PPARGC1A: variants seen among roughly 807,000 people sequenced by gnomAD.
The protein encoded by PPARGC1A is peroxisome proliferator-activated receptor gamma coactivator 1-alpha.
A neutral mutation model predicts 88.7 loss-of-function variants in PPARGC1A; 25 were observed. That is an observed-to-expected ratio of 0.28 (90% CI 0.21 to 0.39). PPARGC1A has a LOEUF of 0.39. PPARGC1A is among the 10% of genes least tolerant of loss of function. The probability of loss-of-function intolerance (pLI) is 1.00; values close to 1 mark genes in which losing one functional copy is unlikely to be tolerated. For missense variants in PPARGC1A, 880 were observed against 968.7 expected (o/e 0.91, Z 1.22); for synonymous variants, 363 against 355.6 (o/e 1.02, Z -0.24).
At chr4:23,899,032 G>T (rs1386288330) in intron 1 of PPARGC1A, among the ~76,000 whole-genome samples, 1 of 151,928 alleles carries the variant, frequency 6.6e-6, no homozygotes, top group Non-Finnish European at 1.5e-5. Flanking sequence ...AGTAGAGACG[G>T]GGTTTCACCA....
the PPARGC1A span, among the ~76,000 whole-genome samples, chr4:24,086,511 T>A: frequency 1.8e-4 from 28 of 152,318 alleles, no homozygotes; most frequent in African/African-American, 6.0e-4. Flanking sequence ...CAGTATTGCC[T>A]CCTCCATGCA....
At chr4:24,219,184 C>A in the PPARGC1A span, among the ~76,000 whole-genome samples, 2 of 152,206 alleles carry the variant, frequency 1.3e-5, no homozygotes, top group African/African-American at 2.4e-5. Context: ...GTTTTATGGT[C>A]CCACAACCCT....
the PPARGC1A span, among the ~76,000 whole-genome samples, chr4:24,362,399 T>C: frequency 1.8e-4 from 27 of 150,578 alleles, no homozygotes; most frequent in Admixed American, 3.3e-4. Flanking sequence ...GATGGATTTA[T>C]TGAGAGATCA....
chr4:24,449,785 T>C, the PPARGC1A span, among the ~76,000 whole-genome samples: 1 of 152,264 alleles, frequency 6.6e-6, no homozygotes. Flanking sequence ...CTAAGTAATC[T>C]GCATCTATTA....
At chr4:24,415,121 T>C in the PPARGC1A span, among the ~76,000 whole-genome samples, 2 of 151,110 alleles carry the variant, frequency 1.3e-5, no homozygotes, top group Non-Finnish European at 2.9e-5. Flanking sequence ...ACTCCAGAGG[T>C]AGAGGTTGCA....
At chr4:23,800,292 TC>T (rs1380702691) in intron 12 of PPARGC1A, among the ~76,000 whole-genome samples, 1 of 152,134 alleles carries the variant, frequency 6.6e-6, no homozygotes, top group Non-Finnish European at 1.5e-5. Context: ...AAGACACTTA[TC>T]ACTTTCCTTC....
the PPARGC1A span, among the ~76,000 whole-genome samples, chr4:24,392,858 G>T: frequency 2.6e-5 from 4 of 152,068 alleles, no homozygotes; most frequent in African/African-American, 9.7e-5. Flanking sequence ...AGGACTGCTC[G>T]AGTATAAAAA....
the PPARGC1A span, among the ~76,000 whole-genome samples, chr4:23,990,238 C>T: frequency 6.7e-6 from 1 of 149,446 alleles, no homozygotes; most frequent in Non-Finnish European, 1.5e-5. Flanking sequence ...ATAATAATAA[C>T]AATAATAAAT....
chr4:24,436,883 C>T, the PPARGC1A span, among the ~76,000 whole-genome samples: 1 of 151,960 alleles, frequency 6.6e-6, no homozygotes, highest in Non-Finnish European at 1.5e-5. Context: ...TATCTATTGG[C>T]CACCCCAGAG....
chr4:23,841,183 C>T (rs536916852), intron 2 of PPARGC1A, among the ~76,000 whole-genome samples: 23 of 152,164 alleles, frequency 1.5e-4, no homozygotes, highest in African/African-American at 4.8e-4. Flanking sequence ...AAGATGCTTT[C>T]GTGAAGAGAT....
the PPARGC1A span, among the ~76,000 whole-genome samples, chr4:24,393,613 G>C: frequency 6.6e-6 from 1 of 152,134 alleles, no homozygotes; most frequent in East Asian, 1.9e-4. Flanking sequence ...TAGGGAAAAG[G>C]GCACTTAGGA....
At chr4:24,302,462 G>A in the PPARGC1A span, among the ~76,000 whole-genome samples, 2 of 152,178 alleles carry the variant, frequency 1.3e-5, no homozygotes, top group Non-Finnish European at 2.9e-5. Context: ...AGGCCACTGT[G>A]ACTACTTGTC....
the PPARGC1A span, among the ~76,000 whole-genome samples, chr4:24,466,886 C>CAAA: frequency 2.7e-3 from 186 of 68,288 alleles, 5 homozygotes; most frequent in African/African-American, 0.01. Flanking sequence ...TGCACACCAG[C>CAAA]AAAAAAAAAA....
chr4:23,934,057 C>T, the PPARGC1A span, among the ~76,000 whole-genome samples: 1 of 152,222 alleles, frequency 6.6e-6, no homozygotes, highest in East Asian at 2.0e-4. Context: ...TAGAATCCCT[C>T]TGTTAGAATG....
the PPARGC1A span, among the ~76,000 whole-genome samples, chr4:24,163,337 C>T: frequency 2.6e-4 from 39 of 151,876 alleles, no homozygotes; most frequent in Non-Finnish European, 4.7e-4. Context: ...ACATAAATTT[C>T]GTACCACTGC....
the PPARGC1A span, among the ~76,000 whole-genome samples, chr4:24,053,281 T>G: frequency 0.022 from 3,315 of 152,044 alleles, 115 homozygotes; most frequent in African/African-American, 0.074. Flanking sequence ...AAACTCTCAT[T>G]CAGAATTCAA....
At chr4:23,856,199 A>G (rs1730162469) in intron 2 of PPARGC1A, among the ~76,000 whole-genome samples, 1 of 152,206 alleles carries the variant, frequency 6.6e-6, no homozygotes, top group Admixed American at 6.5e-5. Context: ...TGCCAACACA[A>G]CCATAAAGAA....
intron 10 of PPARGC1A, among the ~76,000 whole-genome samples, chr4:23,810,010 G>A (rs149964981): frequency 6.6e-6 from 1 of 152,272 alleles, no homozygotes; most frequent in East Asian, 1.9e-4. Context: ...TATGGTTGAA[G>A]CTCCTTGGAT....
At chr4:24,043,402 C>G in the PPARGC1A span, among the ~76,000 whole-genome samples, 20 of 152,066 alleles carry the variant, frequency 1.3e-4, no homozygotes, top group Non-Finnish European at 2.8e-4. Context: ...GACTCAAAAC[C>G]CTTATTAGTC....
Sources: gnomAD v4.1 joint callset for allele counts (sites outside exome capture counted in the v4.1 genomes callset) on GRCh38, gnomAD v4.1.1 for gene constraint, MANE v1.5 for transcripts, NCBI Gene and HGNC (gene_info 2026-07-23, HGNC 2026-07-21) for gene names.